The following FNIP1 variants were observed in gnomAD, a reference collection of about 807,000 sequenced individuals.
FNIP1 encodes folliculin interacting protein 1.
In FNIP1, 40 loss-of-function variants were observed where a neutral mutation model predicts 124.5. The observed-to-expected ratio is 0.32, with a 90% confidence interval of 0.25 to 0.42. The LOEUF is 0.42. Ranked by LOEUF, FNIP1 falls within the 10% of genes least tolerant of loss-of-function variation. The probability of loss-of-function intolerance (pLI) is 1.00; values close to 1 mark genes in which losing one functional copy is unlikely to be tolerated. For synonymous variants in FNIP1, 472 were observed against 470.6 expected (o/e 1.00, Z -0.04); for missense variants, 1,176 against 1,403.7 (o/e 0.84, Z 2.59).
At chr5:131,666,969 A>G (rs948899305) in intron 15 of FNIP1, among the ~76,000 whole-genome samples, 1 of 152,216 alleles carries the variant, frequency 6.6e-6, no homozygotes, top group Non-Finnish European at 1.5e-5. Context: ...AGTGCATTAG[A>G]AGAACTCATA....
At chr5:131,683,102 T>C (rs1467009998) in intron 11 of FNIP1, among the ~76,000 whole-genome samples, 1 of 152,210 alleles carries the variant, frequency 6.6e-6, no homozygotes, top group Non-Finnish European at 1.5e-5. Flanking sequence ...TGATCTCAAA[T>C]AATCATTTAA....
intron 6 of FNIP1, among the ~76,000 whole-genome samples, chr5:131,710,925 A>C (rs1769270756): frequency 2.0e-5 from 3 of 152,224 alleles, no homozygotes; most frequent in African/African-American, 7.2e-5. Flanking sequence ...CTGCTATATA[A>C]AGTAAAAATT....
chr5:131,744,753 A>T, intron 1 of FNIP1, 63 bp from the exon 2 acceptor site: 1 of 1,338,976 alleles, frequency 7.5e-7, no homozygotes, highest in Non-Finnish European at 9.9e-7. Flanking sequence ...TATTCCATAT[A>T]CATTATTAGA....
intron 1 of FNIP1, among the ~76,000 whole-genome samples, chr5:131,751,811 CATA>C (rs1770880844): frequency 3.3e-5 from 5 of 152,092 alleles, no homozygotes; most frequent in Admixed American, 3.3e-4. Flanking sequence ...TAGGCAAATC[CATA>C]ATGACTGCAA....
chr5:131,698,801 C>A (rs992364284), intron 11 of FNIP1, 116 bp downstream of exon 11: 13 of 768,752 alleles, frequency 1.7e-5, no homozygotes, highest in Non-Finnish European at 2.6e-5. Flanking sequence ...TGAATTACAC[C>A]ATCATATGAC....
intron 11 of FNIP1, among the ~76,000 whole-genome samples, chr5:131,690,983 T>C (rs1768461401): frequency 1.3e-5 from 2 of 152,146 alleles, no homozygotes; most frequent in Admixed American, 6.5e-5. Flanking sequence ...ATAATAGAGC[T>C]GAACAGTACC....
intron 4 of FNIP1, 40 bp from the exon 5 acceptor site, chr5:131,719,100 T>C (rs1580782515): frequency 4.5e-6 from 7 of 1,555,738 alleles, no homozygotes; most frequent in Non-Finnish European, 6.2e-6. Context: ...AAAACTAAAA[T>C]ATAATGACCT....
intron 2 of FNIP1, among the ~76,000 whole-genome samples, chr5:131,736,366 A>G (rs1770304619): frequency 6.6e-6 from 1 of 152,234 alleles, no homozygotes; most frequent in Non-Finnish European, 1.5e-5. Context: ...CCAAGGTTAC[A>G]AGAGCTAGTA....
intron 11 of FNIP1, among the ~76,000 whole-genome samples, chr5:131,686,944 C>CT (rs754981276): frequency 6.7e-6 from 1 of 149,266 alleles, no homozygotes; most frequent in Admixed American, 6.7e-5. Context: ...TAAACAAACT[C>CT]TAAGAGTTTG....
chr5:131,688,306 A>G (rs1337066790), intron 11 of FNIP1, among the ~76,000 whole-genome samples: 5 of 150,640 alleles, frequency 3.3e-5, no homozygotes, highest in Non-Finnish European at 5.9e-5. Context: ...AAAAAAAAGG[A>G]AACTATGGGA....
intron 6 of FNIP1, among the ~76,000 whole-genome samples, chr5:131,715,494 AAAAC>A (rs1479520483): frequency 6.6e-6 from 1 of 152,174 alleles, no homozygotes; most frequent in Non-Finnish European, 1.5e-5. Context: ...TCAAAAAACA[AAAAC>A]AAACAAAAAA....
chr5:131,694,213 C>T (rs565768691), intron 11 of FNIP1, among the ~76,000 whole-genome samples: 37 of 152,152 alleles, frequency 2.4e-4, no homozygotes, highest in Non-Finnish European at 5.0e-4. Flanking sequence ...AGCAATCATG[C>T]TCCTATGTAT....
intron 1 of FNIP1, among the ~76,000 whole-genome samples, chr5:131,749,455 C>A (rs1249642884): frequency 6.8e-6 from 1 of 146,834 alleles, no homozygotes; most frequent in Non-Finnish European, 1.5e-5. Context: ...TGCAGTGGTG[C>A]GATTTTGGCT....
At chr5:131,704,875 T>C (rs911472304) in intron 9 of FNIP1, among the ~76,000 whole-genome samples, 1 of 152,118 alleles carries the variant, frequency 6.6e-6, no homozygotes, top group Non-Finnish European at 1.5e-5. Context: ...GACACTGATT[T>C]GGCAATGGTT....
intron 11 of FNIP1, among the ~76,000 whole-genome samples, chr5:131,686,783 C>G (rs1259040021): frequency 1.3e-5 from 2 of 151,802 alleles, no homozygotes; most frequent in Non-Finnish European, 2.9e-5. Flanking sequence ...TTTGCCCAGG[C>G]TGGTCTCAAA....
At chr5:131,786,628 T>C (rs1332555060) in intron 1 of FNIP1, among the ~76,000 whole-genome samples, 1 of 152,134 alleles carries the variant, frequency 6.6e-6, no homozygotes, top group Non-Finnish European at 1.5e-5. Context: ...AATGCAACAA[T>C]TTTGAGAGGT....
In FNIP1 at chr5:131,641,893, T is replaced by C. The variant is rs1370808222; in HGVS notation, c.*2792A>G. The C allele has an allele frequency of 6.5e-6, 1 of 152,748 alleles. No individual in the cohort carries two copies. Among genetic ancestry groups the C allele is most frequent in the Admixed American group, 6.5e-5 (1 of 15,282 alleles). The allele number at this position is 152,748 out of a possible 1,614,324, so 9.5% of individuals were successfully genotyped here. A position where few individuals can be genotyped will look rare whatever the true frequency, so the allele number is the denominator to read the frequency against. ...AGACATCTACCAGAAGTAGGCATTA[T>C]GTAAAATCTGTTTTTTTAAGTGATC... is the stretch of plus-strand genomic sequence containing the variant. On this transcript the variant is annotated 3_prime_UTR_variant, in exon 18 of 18. Transcript: ENST00000510461.
At chr5:131,698,805 A>C (rs992181128) in intron 11 of FNIP1, 112 bp downstream of exon 11, 1 of 818,502 alleles carries the variant, frequency 1.2e-6, no homozygotes, top group Non-Finnish European at 1.8e-6. Flanking sequence ...TTACACCATC[A>C]TATGACTATA....
chr5:131,730,839 C>A, intron 3 of FNIP1, 65 bp downstream of exon 3: 2 of 1,349,830 alleles, frequency 1.5e-6, no homozygotes, highest in South Asian at 1.4e-5. Flanking sequence ...TCTCCACAGT[C>A]CACTGGATGA....
Sources: gnomAD v4.1 joint callset for allele counts (sites outside exome capture counted in the v4.1 genomes callset) on GRCh38, gnomAD v4.1.1 for gene constraint, MANE v1.5 for transcripts, NCBI Gene and HGNC (gene_info 2026-07-23, HGNC 2026-07-21) for gene names.